LRRFIP1: variants seen among roughly 807,000 people sequenced by gnomAD.
LRRFIP1 encodes LRR binding FLII interacting protein 1, also known as leucine-rich repeat flightless-interacting protein 1.
LRRFIP1 carries 62 observed loss-of-function variants against 104.4 expected under a neutral mutation model. The observed-to-expected ratio is 0.59, with a 90% confidence interval of 0.48 to 0.73. LRRFIP1 has a LOEUF of 0.73. LRRFIP1 is among the 30% of genes least tolerant of loss of function. LRRFIP1 has a pLI of 0.00. For synonymous variants in LRRFIP1, 300 were observed against 299.0 expected (o/e 1.00, Z -0.03); for missense variants, 796 against 824.5 (o/e 0.97, Z 0.42).
At position 237,758,810 on chromosome 2, in the gene LRRFIP1, G is replaced by A; in HGVS notation, c.1306G>A (p.Glu436Lys). ...TAGAGAAGAAGTAGTCATGCTGAAA[G>A]AGGAATTAAAGGTATGAAGCCAAAC... ...DLREEVVMLKEELKKHGIILN... is the reference protein window; with the variant it reads ...DLREEVVMLKKELKKHGIILN... The change falls in exon 18 of 24, where the codon GAG (glutamate) becomes AAG (lysine). Residue 436 changes from glutamate to lysine, a missense_variant. Physicochemically the swap from Glu to Lys is moderately conservative, Grantham distance 56. Transcript: ENST00000308482. 1 of 1,611,118 alleles carries A rather than the reference G, an allele frequency of 6.2e-7. No individual in the cohort carries two copies. The highest frequency in any genetic ancestry group is 2.2e-5 in the East Asian group (1 of 44,802).
At chr2:237,629,648 T>G (rs2082075730) in intron 1 of LRRFIP1, among the ~76,000 whole-genome samples, 1 of 152,098 alleles carries the variant, frequency 6.6e-6, no homozygotes, top group African/African-American at 2.4e-5. Flanking sequence ...ATTTTTGTAT[T>G]TTTAATAGAG....
At chr2:237,760,619 C>T (rs2059756946) in intron 19 of LRRFIP1, among the ~76,000 whole-genome samples, 1 of 152,170 alleles carries the variant, frequency 6.6e-6, no homozygotes, top group Non-Finnish European at 1.5e-5. Context: ...TGGTTGAGGC[C>T]GTCAAGTCAG....
intron 1 of LRRFIP1, among the ~76,000 whole-genome samples, chr2:237,676,330 C>T (rs1046196488): frequency 2.6e-5 from 4 of 152,150 alleles, no homozygotes; most frequent in Non-Finnish European, 4.4e-5. Flanking sequence ...TGCCTTCTTT[C>T]GTCCTTTTTA....
chr2:237,739,099 T>C (rs2095338041), intron 10 of LRRFIP1, 133 bp from the exon 11 acceptor site: 1 of 691,606 alleles, frequency 1.4e-6, no homozygotes, highest in African/African-American at 1.8e-5. Context: ...CTAACTCTCT[T>C]TTCCTTGCCG....
At chr2:237,745,389 TG>T (rs1419549281) in intron 11 of LRRFIP1, among the ~76,000 whole-genome samples, 2 of 152,272 alleles carry the variant, frequency 1.3e-5, no homozygotes, top group Non-Finnish European at 2.9e-5. Flanking sequence ...AGTTTTTCTC[TG>T]CATGGTCTCT....
At chr2:237,708,154 AGGAG>A (rs2093905968) in intron 1 of LRRFIP1, among the ~76,000 whole-genome samples, 1 of 152,254 alleles carries the variant, frequency 6.6e-6, no homozygotes. Flanking sequence ...GAGCTCCAGA[AGGAG>A]GCTGACTGCC....
chr2:237,703,962 G>C lies in LRRFIP1; in HGVS notation c.97-4582G>C, dbSNP rs1401561671. Among the ~76,000 whole-genome samples the C allele has an allele frequency of 1.3e-5, 2 of 152,000 alleles. No homozygotes were observed. Among genetic ancestry groups the C allele is most frequent in the South Asian group, 4.2e-4 (2 of 4,816 alleles). The stretch of plus-strand genomic sequence containing the variant: ...TCATGAGATTTTATATTTTACAAAA[G>C]TGTCAGTCGATAAAGGATTTGTCCT... On this transcript the variant is annotated intron_variant, in intron 1 of 23. Transcript: ENST00000308482. This position sits in a 1 kb window ranked among gnomAD's most constrained non-coding sequence, Gnocchi z 4.3.
chr2:237,732,684 A>C (rs570715608), intron 8 of LRRFIP1, among the ~76,000 whole-genome samples: 38 of 152,336 alleles, frequency 2.5e-4, no homozygotes, highest in African/African-American at 9.1e-4. Context: ...CTCGAGTCCA[A>C]AAAATTGGTC....
At chr2:237,656,220 G>A (rs906193645) in intron 1 of LRRFIP1, among the ~76,000 whole-genome samples, 1 of 152,150 alleles carries the variant, frequency 6.6e-6, no homozygotes, top group Non-Finnish European at 1.5e-5. Flanking sequence ...GCAAATCAGT[G>A]CTATGTATAG....
chr2:237,764,413 A>C, intron 19 of LRRFIP1: 1 of 1,353,238 alleles, frequency 7.4e-7, no homozygotes, highest in East Asian at 2.9e-5. Flanking sequence ...TCTACTGTTT[A>C]TAGTCCACTT....
In LRRFIP1 at chr2:237,703,267, C is replaced by A. The variant is rs2093632092; in HGVS notation, c.97-5277C>A. On this transcript the variant is annotated intron_variant, in intron 1 of 23. Coordinates refer to ENST00000308482, the MANE Select transcript of LRRFIP1 (RefSeq NM_001137550.2). The surrounding 1 kb of genome is among the most constrained non-coding windows in gnomAD (Gnocchi z 4.3). ...GCTTTGTATCCTAAACTCCACAGGC[C>A]CGAACCCTGGCACTGAGCTTGATCC... 6.6e-6 allele frequency among the ~76,000 whole-genome samples: 1 copy of A among 152,128 alleles called. No homozygotes were observed. The highest frequency in any genetic ancestry group is 2.1e-4 in the South Asian group (1 of 4,826).
At chr2:237,646,384 G>A (rs1005182082) in intron 1 of LRRFIP1, among the ~76,000 whole-genome samples, 2 of 151,868 alleles carry the variant, frequency 1.3e-5, no homozygotes, top group African/African-American at 4.8e-5. Flanking sequence ...GCATCCATTA[G>A]CTATTCTTCC....
chr2:237,753,784 CTG>C (rs1351720300), intron 15 of LRRFIP1, among the ~76,000 whole-genome samples: 1 of 112,982 alleles, frequency 8.9e-6, no homozygotes, highest in Non-Finnish European at 1.7e-5. Flanking sequence ...AGAGAAGACA[CTG>C]TCTCAAAAAA....
intron 7 of LRRFIP1, among the ~76,000 whole-genome samples, chr2:237,726,519 C>T (rs1006922533): frequency 6.6e-6 from 1 of 152,210 alleles, no homozygotes; most frequent in African/African-American, 2.4e-5. Context: ...GTTCTAGGTG[C>T]TTGAGATACT....
Position 237,703,433 on chromosome 2 carries a change from C to T in LRRFIP1, c.97-5111C>T, listed in dbSNP as rs548162173. The stretch of plus-strand genomic sequence containing the variant: ...TGTTTCTAAAACAAAAGTCAGATTC[C>T]GCTGTGTTCTTAAAACCCTTCAGTG... On this transcript the variant is annotated intron_variant, in intron 1 of 23. Transcript: ENST00000308482. The surrounding 1 kb of genome is among the most constrained non-coding windows in gnomAD (Gnocchi z 4.3). 1.1e-4 allele frequency among the ~76,000 whole-genome samples: 17 copies of T among 152,258 alleles called. No homozygotes were observed. The highest frequency in any genetic ancestry group is 2.2e-4 in the Non-Finnish European group (15 of 68,028).
At chr2:237,764,280 G>A (rs1411720509) in intron 19 of LRRFIP1, 3 of 1,559,412 alleles carry the variant, frequency 1.9e-6, no homozygotes, top group Non-Finnish European at 2.6e-6. Flanking sequence ...ACTGCTTTAA[G>A]TTATAGACTG....
rs2061419096 is a variant in LRRFIP1, at chr2:237,780,970, G to A, written c.*1438G>A. Reference sequence around the variant, plus strand: ...AAGTAGGAAACCACGGGTCGGACAGGTGAGCAAAATGTGCTGGCAGGTGGG... The same window carrying A: ...AAGTAGGAAACCACGGGTCGGACAGATGAGCAAAATGTGCTGGCAGGTGGG... On this transcript the variant is annotated 3_prime_UTR_variant, in exon 24 of 24. Coordinates refer to ENST00000308482, the MANE Select transcript of LRRFIP1 (RefSeq NM_001137550.2). Among the ~76,000 whole-genome samples, 1 of 152,204 alleles carries A rather than the reference G, an allele frequency of 6.6e-6. No individual in the cohort carries two copies. The highest frequency in any genetic ancestry group is 6.5e-5 in the Admixed American group (1 of 15,288).
intron 1 of LRRFIP1, among the ~76,000 whole-genome samples, chr2:237,678,408 G>T (rs1324664649): frequency 2.6e-5 from 4 of 152,196 alleles, no homozygotes; most frequent in Non-Finnish European, 5.9e-5. Context: ...GAAGGTGGGT[G>T]GGGAGGGGCT....
intron 1 of LRRFIP1, among the ~76,000 whole-genome samples, chr2:237,685,620 C>CCT (rs1559541284): frequency 6.6e-6 from 1 of 152,172 alleles, no homozygotes; most frequent in African/African-American, 2.4e-5. Context: ...AGCTCACAAT[C>CCT]GGATCAAATC....
Sources: allele counts gnomAD v4.1 joint callset (sites outside exome capture counted in the v4.1 genomes callset), GRCh38; gene constraint gnomAD v4.1.1; non-coding constraint Gnocchi (gnomAD v3.1); transcripts MANE v1.5; gene names NCBI Gene and HGNC (gene_info 2026-07-23, HGNC 2026-07-21).